The following SYNE1 variants were observed in gnomAD, a reference collection of about 807,000 sequenced individuals.
The protein encoded by SYNE1 is spectrin repeat containing nuclear envelope protein 1, also known as nesprin-1.
In SYNE1, 616 loss-of-function variants were observed where a neutral mutation model predicts 1,111.0. That is an observed-to-expected ratio of 0.55 (90% confidence interval 0.52 to 0.59). The LOEUF (loss-of-function observed/expected upper bound fraction) is 0.59. SYNE1 is among the 20% of genes least tolerant of loss of function. The pLI is 0.00. For synonymous variants in SYNE1, 3,855 were observed against 3,825.8 expected, an observed-to-expected ratio of 1.01 and a Z score of -0.28; for missense variants, 10,006 against 10,417.0, an observed-to-expected ratio of 0.96 and a Z score of 1.72.
intron 13 of SYNE1, among the ~76,000 whole-genome samples, chr6:152,484,170 C>A (rs1381132984): frequency 6.6e-6 from 1 of 151,846 alleles, no homozygotes; most frequent in Non-Finnish European, 1.5e-5. Context: ...TGTGATTGTG[C>A]CACTGCACTT....
chr6:152,421,874 T>G (rs1192215923), intron 39 of SYNE1, among the ~76,000 whole-genome samples: 1 of 151,742 alleles, frequency 6.6e-6, no homozygotes, highest in Non-Finnish European at 1.5e-5. Context: ...CCTGGCTAAT[T>G]TTTGTATTAT....
Position 152,155,995 on chromosome 6 carries a change from C to T in SYNE1, c.23893G>A (p.Glu7965Lys), listed in dbSNP as rs753219547. Residue 7965 changes from glutamate (E) to lysine (K), a missense_variant, in exon 132 of 146, where the codon GAG (glutamate) becomes AAG (lysine). Physicochemically the swap from Glu to Lys is moderately conservative, Grantham distance 56. Around this residue, in one of 7 missense-constraint regions of SYNE1, gnomAD observed 2,182 missense variants for 2,287.8 expected, o/e 0.95. Coordinates refer to ENST00000367255, the MANE Select transcript of SYNE1 (RefSeq NM_182961.4). ...GTAGCCTGCTGTATAGAGTCACACT[C>T]GGCATCAGTGGCACAGGCGTCACAG... ...HDCDACATDA[E>K]CDSIQQATRN... 36 of 1,614,064 alleles carry T rather than the reference C, an allele frequency of 2.2e-5. No homozygotes were observed. Among genetic ancestry groups the T allele is most frequent in the South Asian group, 8.8e-5 (8 of 91,088 alleles).
chr6:152,231,128 T>C (rs2082667088), intron 114 of SYNE1, among the ~76,000 whole-genome samples: 1 of 152,010 alleles, frequency 6.6e-6, no homozygotes, highest in African/African-American at 2.4e-5. Flanking sequence ...AGGACTAAAG[T>C]CAACTTGAAG....
At chr6:152,548,649 G>A (rs1259188781) in intron 3 of SYNE1, among the ~76,000 whole-genome samples, 1 of 152,192 alleles carries the variant, frequency 6.6e-6, no homozygotes, top group Non-Finnish European at 1.5e-5. Flanking sequence ...AAAGGCTGGA[G>A]GAGACTTTTG....
chr6:152,216,199 C>G (rs2078617479), intron 121 of SYNE1, among the ~76,000 whole-genome samples: 1 of 152,188 alleles, frequency 6.6e-6, no homozygotes, highest in Non-Finnish European at 1.5e-5. Flanking sequence ...CAAAATATAA[C>G]TGTTAAATGG....
At chr6:152,385,636 T>G in intron 55 of SYNE1, 38 bp downstream of exon 55, 1 of 1,608,522 alleles carries the variant, frequency 6.2e-7, no homozygotes, top group South Asian at 1.1e-5. Flanking sequence ...CAAGAAGGAA[T>G]GAAGCAATGT....
chr6:152,628,207 G>T (rs1583705198), intron 3 of SYNE1, 58 bp downstream of exon 3: 1 of 1,565,568 alleles, frequency 6.4e-7, no homozygotes, highest in East Asian at 2.2e-5. Context: ...AAATTTAACT[G>T]ATTGTGGGTT....
chr6:152,608,001 G>C (rs1244765380), intron 3 of SYNE1, among the ~76,000 whole-genome samples: 1 of 152,146 alleles, frequency 6.6e-6, no homozygotes, highest in Non-Finnish European at 1.5e-5. Flanking sequence ...CACGGACACA[G>C]GGAGAGGAAC....
chr6:152,325,867 C>A, intron 80 of SYNE1, 91 bp downstream of exon 80: 1 of 1,498,426 alleles, frequency 6.7e-7, no homozygotes, highest in Non-Finnish European at 9.2e-7. Flanking sequence ...TGAAAAAAGT[C>A]CAGGTAGAAA....
intron 58 of SYNE1, 172 bp downstream of exon 58, chr6:152,376,209 C>T (rs1420394233): frequency 6.3e-6 from 4 of 636,906 alleles, no homozygotes; most frequent in Non-Finnish European, 1.1e-5. Flanking sequence ...GGAGGTGGAG[C>T]TCAGGCAGTA....
At chr6:152,363,272 A>C (rs1292157581) in intron 63 of SYNE1, among the ~76,000 whole-genome samples, 3 of 147,032 alleles carry the variant, frequency 2.0e-5, no homozygotes, top group Non-Finnish European at 4.5e-5. Context: ...AGGCGGGTGG[A>C]TCACGAGGTC....
intron 73 of SYNE1, among the ~76,000 whole-genome samples, chr6:152,345,644 T>G (rs2096615793): frequency 6.6e-6 from 1 of 152,102 alleles, no homozygotes; most frequent in Non-Finnish European, 1.5e-5. Context: ...ATGGTGAACA[T>G]GGACCACTCT....
chr6:152,298,562 C>CTT (rs755326728), intron 93 of SYNE1, among the ~76,000 whole-genome samples: 12 of 146,034 alleles, frequency 8.2e-5, no homozygotes, highest in South Asian at 2.2e-4. Flanking sequence ...GGCACAAAAC[C>CTT]TTTTTTTTTT....
chr6:152,604,944 CAAAGAAAGAAAGAAAG>C (rs1185668483), intron 3 of SYNE1, among the ~76,000 whole-genome samples: 967 of 65,852 alleles, frequency 0.015, 63 homozygotes, highest in East Asian at 0.043. Flanking sequence ...CCCTATCTCA[CAAAGAAAGAAAGAAAG>C]AAAGAAAGAA....
At chr6:152,231,777 C>CGT (rs1554248849) in intron 113 of SYNE1, among the ~76,000 whole-genome samples, 1 of 113,714 alleles carries the variant, frequency 8.8e-6, no homozygotes, top group Non-Finnish European at 1.8e-5. Context: ...CACAGATATA[C>CGT]GTGTGTATGT....
chr6:152,280,216 T>C (rs952144771), intron 97 of SYNE1, among the ~76,000 whole-genome samples: 3 of 152,238 alleles, frequency 2.0e-5, no homozygotes. Flanking sequence ...AGCTGGCTTA[T>C]ATGTAAGATT....
chr6:152,154,625 G>A (rs2061037573), intron 133 of SYNE1, among the ~76,000 whole-genome samples: 1 of 152,114 alleles, frequency 6.6e-6, no homozygotes, highest in African/African-American at 2.4e-5. Flanking sequence ...TCTTTTGGGA[G>A]GAATCACGAT....
At position 152,278,184 on chromosome 6, in the gene SYNE1, C is replaced by G; in HGVS notation, c.18478G>C (p.Asp6160His). ...LLLEGKAHTK[D>H]EAEQLAGKLR... ...TTTCCAGCCAGCTGCTCGGCCTCGT[C>G]CTTGGTGTGAGCTTTGCCCTCCAGC... Residue 6160 changes from aspartate to histidine, a missense_variant, in exon 98 of 146, where the codon GAC becomes CAC. This residue lies in a region of SYNE1 where 99 missense variants were observed against 147.8 expected (regional missense o/e 0.67). Transcript: ENST00000367255. 1 of 1,614,206 alleles carries G rather than the reference C, an allele frequency of 6.2e-7. No homozygotes were observed. Among genetic ancestry groups the G allele is most frequent in the Non-Finnish European group, 8.5e-7 (1 of 1,180,044 alleles).
rs115038372 is a variant in SYNE1 at position 152,392,711 on chromosome 6, C to T, written c.7713-1143G>A. 5.3e-3 allele frequency among the ~76,000 whole-genome samples: 801 copies of T among 150,430 alleles called. 4 individuals are homozygous for T. The highest frequency in any genetic ancestry group is 0.019 in the African/African-American group (776 of 39,858). ...CTTATAAAATAAAATAAAATAAAAA[C>T]ACCTACTCTAAAAGACATTTATTAT... On this transcript the variant is annotated intron_variant, in intron 51 of 145. Coordinates refer to ENST00000367255, the MANE Select transcript of SYNE1 (RefSeq NM_182961.4).
Sources: allele counts gnomAD v4.1 joint callset (sites outside exome capture counted in the v4.1 genomes callset), GRCh38; gene constraint gnomAD v4.1.1; regional missense constraint gnomAD v4.1.1; transcripts MANE v1.5; gene names NCBI Gene and HGNC (gene_info 2026-07-23, HGNC 2026-07-21).